Variants in PRDM10 observed in about 807,000 individuals in gnomAD.
The protein encoded by PRDM10 is PR domain zinc finger protein 10.
PRDM10 carries 65 observed loss-of-function variants against 133.1 expected under a neutral mutation model. The observed-to-expected ratio is 0.49, with a 90% CI of 0.40 to 0.60. PRDM10 has a LOEUF of 0.60. Ranked by LOEUF, PRDM10 falls within the 20% of genes least tolerant of loss-of-function variation. The pLI is 0.00. For missense variants in PRDM10, 1,137 were observed against 1,507.1 expected (o/e 0.75, Z 4.07); for synonymous variants, 582 against 580.4 (o/e 1.00, Z -0.04).
intron 11 of PRDM10, among the ~76,000 whole-genome samples, 190 bp downstream of exon 11, chr11:129,930,826 G>C (rs983127403): frequency 2.6e-5 from 4 of 152,174 alleles, no homozygotes; most frequent in African/African-American, 9.7e-5. Flanking sequence ...AGCCATGCCA[G>C]CCTGCCATGG....
intron 9 of PRDM10, among the ~76,000 whole-genome samples, chr11:129,932,588 T>TG (rs1950905412): frequency 1.3e-5 from 2 of 152,138 alleles, no homozygotes; most frequent in African/African-American, 4.8e-5. Flanking sequence ...AGATTCCCAT[T>TG]ATTTCTCTCT....
At chr11:129,916,397 C>T (rs537447948) in intron 15 of PRDM10, among the ~76,000 whole-genome samples, 1 of 152,340 alleles carries the variant, frequency 6.6e-6, no homozygotes, top group South Asian at 2.1e-4. Context: ...CCTATAATCC[C>T]AGCACTTTGG....
rs1038598977 is a variant in PRDM10 at position 129,947,136 on chromosome 11, C to A, written c.520+9G>T. On this transcript the variant is annotated intron_variant, in intron 5 of 20. Coordinates refer to ENST00000360871, the MANE Select transcript of PRDM10 (RefSeq NM_199437.2). The surrounding 1 kb of genome is among the most constrained non-coding windows in gnomAD (Gnocchi z 4.6). ...AGCTTCCCTGGGGGAGACCCGTGCC[C>A]ACACTTACACAAGTCGTGTGGGTCG... is the stretch of plus-strand genomic sequence containing the variant. The A allele has an allele frequency of 1.9e-6, 3 of 1,613,498 alleles. No homozygotes were observed. The highest frequency in any genetic ancestry group is 2.5e-6 in the Non-Finnish European group (3 of 1,179,582).
At position 129,918,509 on chromosome 11, in the gene PRDM10, C is replaced by T. The variant is rs1233537196; in HGVS notation, c.2214+30G>A. 1.2e-6 allele frequency: 2 copies of T among 1,604,132 alleles called. No homozygotes were observed. Among genetic ancestry groups the T allele is most frequent in the Admixed American group, 3.4e-5 (2 of 58,646 alleles). The stretch of plus-strand genomic sequence containing the variant: ...ACAGCAATGAGGTATGCTGGGAAGA[C>T]AGAGGAACCCGCAGCCACTGGGCAC... On this transcript the variant is annotated intron_variant, in intron 14 of 20. Coordinates refer to ENST00000360871, the MANE Select transcript of PRDM10 (RefSeq NM_199437.2). The surrounding 1 kb of genome is among the most constrained non-coding windows in gnomAD (Gnocchi z 5.3).
intron 6 of PRDM10, among the ~76,000 whole-genome samples, chr11:129,944,568 G>C (rs1591642906): frequency 6.9e-6 from 1 of 144,814 alleles, no homozygotes; most frequent in Admixed American, 7.0e-5. Flanking sequence ...CTGGGCGACA[G>C]AGCAAGACTC....
At chr11:129,966,245 A>AAAAC (rs898869466) in intron 1 of PRDM10, among the ~76,000 whole-genome samples, 2 of 152,172 alleles carry the variant, frequency 1.3e-5, no homozygotes, top group Non-Finnish European at 1.5e-5. Context: ...ACTCCATCTC[A>AAAAC]AAACAAACAA....
intron 1 of PRDM10, among the ~76,000 whole-genome samples, chr11:129,984,885 AC>A (rs1938326592): frequency 6.6e-6 from 1 of 151,726 alleles, no homozygotes; most frequent in Admixed American, 6.6e-5. Context: ...TCCACCACCT[AC>A]CTCCTTCTCA....
In PRDM10 at chr11:129,910,463, C is replaced by T. The variant is rs571460398; in HGVS notation, c.3163+13G>A. On this transcript the variant is annotated intron_variant, in intron 19 of 20. Transcript: ENST00000360871. Reference sequence around the variant, plus strand: ...CACCCCTGACCGACACGGCATCGTCCCTTCTTACTTACAATAGCCACGGAA... The same window carrying T: ...CACCCCTGACCGACACGGCATCGTCTCTTCTTACTTACAATAGCCACGGAA... 53 of 1,613,804 alleles carry T rather than the reference C, an allele frequency of 3.3e-5. No individual in the cohort carries two copies. Among genetic ancestry groups the T allele is most frequent in the Middle Eastern group, 3.4e-4 (2 of 5,812 alleles).
intron 11 of PRDM10, among the ~76,000 whole-genome samples, chr11:129,926,527 A>G (rs1050071275): frequency 1.3e-5 from 2 of 152,238 alleles, no homozygotes; most frequent in Admixed American, 1.3e-4. Context: ...CAACTTTTAA[A>G]CTAAATTTAA....
chr11:129,917,387 C>T (rs1950391372), intron 14 of PRDM10, 150 bp from the exon 15 acceptor site: 2 of 612,932 alleles, frequency 3.3e-6, no homozygotes, highest in Admixed American at 3.1e-5. Context: ...ACCAGGATCA[C>T]CAGACCCCAT....
In PRDM10 at chr11:129,918,315, C is replaced by T. The variant is rs1195446161; in HGVS notation, c.2214+224G>A. ...AAAAAAAAAAAGAAAAAGAAAAAGACCTCTTACAAGAATTGATCCAAAAAG... is the reference window on the plus strand; with the variant it reads ...AAAAAAAAAAAGAAAAAGAAAAAGATCTCTTACAAGAATTGATCCAAAAAG... On this transcript the variant is annotated intron_variant, in intron 14 of 20. Coordinates refer to ENST00000360871, the MANE Select transcript of PRDM10 (RefSeq NM_199437.2). The surrounding 1 kb of genome is among the most constrained non-coding windows in gnomAD (Gnocchi z 5.3). 1.3e-5 allele frequency among the ~76,000 whole-genome samples: 2 copies of T among 151,308 alleles called. No homozygotes were observed. Among genetic ancestry groups the T allele is most frequent in the South Asian group, 2.1e-4 (1 of 4,788 alleles).
intron 11 of PRDM10, among the ~76,000 whole-genome samples, chr11:129,928,550 C>T (rs1011744544): frequency 3.3e-5 from 5 of 151,944 alleles, no homozygotes; most frequent in African/African-American, 1.2e-4. Flanking sequence ...CCACCATGTC[C>T]ACCTATTTTT....
At position 129,901,453 on chromosome 11, in the gene PRDM10, TTC is replaced by T. The variant is rs10568533; in HGVS notation, c.*858_*859del. On this transcript the variant is annotated 3_prime_UTR_variant, in exon 21 of 21. Coordinates refer to ENST00000360871, the MANE Select transcript of PRDM10 (RefSeq NM_199437.2). Reference sequence around the variant, plus strand: ...CAAGGCAGAACAAAATTTCAATACTTTCTCTCTCTCTCTCTCAATAGTTTTGG... The same window carrying T: ...CAAGGCAGAACAAAATTTCAATACTTTCTCTCTCTCTCTCAATAGTTTTGG... The T allele has an allele frequency of 0.074, 11,243 of 151,460 alleles. 534 individuals carry two copies. Among genetic ancestry groups the T allele is most frequent in the Non-Finnish European group, 0.1 (6,977 of 67,730 alleles). The allele number at this position is 151,460 out of a possible 1,614,324, so 9.4% of individuals were successfully genotyped here. A position where few individuals can be genotyped will look rare whatever the true frequency, so the allele number is the denominator to read the frequency against.
chr11:129,924,575 C>T (rs1412299742), intron 12 of PRDM10, among the ~76,000 whole-genome samples: 4 of 152,024 alleles, frequency 2.6e-5, no homozygotes, highest in African/African-American at 4.8e-5. Context: ...TCTACAGGCT[C>T]GGTATATTTT....
At chr11:129,914,188 G>T in intron 17 of PRDM10, among the ~76,000 whole-genome samples, 1 of 152,306 alleles carries the variant, frequency 6.6e-6, no homozygotes. Flanking sequence ...TTTTAGTAGA[G>T]ACGAGATTTT....
At chr11:129,983,933 G>A (rs920615818) in intron 1 of PRDM10, among the ~76,000 whole-genome samples, 6 of 152,154 alleles carry the variant, frequency 3.9e-5, no homozygotes, top group African/African-American at 1.2e-4. Flanking sequence ...GAGGGAACCC[G>A]ACATGAATGC....
chr11:129,994,242 G>A (rs1047972451), intron 1 of PRDM10, among the ~76,000 whole-genome samples: 2 of 98,158 alleles, frequency 2.0e-5, no homozygotes, highest in East Asian at 7.3e-4. Context: ...AGGCCGAGGC[G>A]GGTGGTCAGG....
Position 129,944,890 on chromosome 11 carries a change from C to G in PRDM10, c.643G>C (p.Asp215His). 6.2e-7 allele frequency: 1 copy of G among 1,614,144 alleles called. No homozygotes were observed. Among genetic ancestry groups the G allele is most frequent in the African/African-American group, 1.3e-5 (1 of 75,036 alleles). The change falls in exon 6 of 21, where the codon GAC becomes CAC. Residue 215 changes from aspartate (D) to histidine (H), a missense_variant. Asp to His is a moderately conservative substitution (Grantham distance 81). Around this residue, in one of 6 missense-constraint regions of PRDM10, gnomAD observed 635 missense variants for 835.2 expected, o/e 0.76. Coordinates refer to ENST00000360871, the MANE Select transcript of PRDM10 (RefSeq NM_199437.2). The stretch of plus-strand genomic sequence containing the variant: ...GAGAACACCCCGCCCAGAAACCTGT[C>G]TATGTAGAGCACCAGGGGGAGGCTC... ...RASLPLVLYI[D>H]RFLGGVFSKR...
chr11:129,915,055 G>A (rs780703897), intron 16 of PRDM10, 37 bp from the exon 17 acceptor site: 14 of 1,538,114 alleles, frequency 9.1e-6, no homozygotes, highest in Non-Finnish European at 1.2e-5. Context: ...ATAATTATTA[G>A]AATTTGTGAT....
Sources: allele counts gnomAD v4.1 joint callset (sites outside exome capture counted in the v4.1 genomes callset), GRCh38; gene constraint gnomAD v4.1.1; regional missense constraint gnomAD v4.1.1; non-coding constraint Gnocchi (gnomAD v3.1); transcripts MANE v1.5; gene names NCBI Gene and HGNC (gene_info 2026-07-23, HGNC 2026-07-21).